The following SCUBE1 variants were observed in gnomAD, a reference collection of about 807,000 sequenced individuals.
SCUBE1 encodes signal peptide, CUB domain and EGF like domain containing 1.
In SCUBE1, 59 loss-of-function variants were observed where a neutral mutation model predicts 124.4. The observed-to-expected ratio is 0.47, with a 90% CI of 0.38 to 0.59. The LOEUF is 0.59. Among genes scored for constraint, SCUBE1 ranks in the 20% least tolerant of loss-of-function variants. SCUBE1 has a pLI of 0.00. For missense variants in SCUBE1, 1,150 were observed against 1,371.2 expected (o/e 0.84, Z 2.55); for synonymous variants, 545 against 550.9 (o/e 0.99, Z 0.15).
chr22:43,276,897 C>A (rs76110835), intron 4 of SCUBE1, among the ~76,000 whole-genome samples: 2 of 152,190 alleles, frequency 1.3e-5, no homozygotes, highest in African/African-American at 4.8e-5. Flanking sequence ...TCGGTTCTCA[C>A]GCACGTCAAC....
chr22:43,217,266 T>A (rs564382493), intron 15 of SCUBE1, among the ~76,000 whole-genome samples: 6 of 151,456 alleles, frequency 4.0e-5, no homozygotes, highest in Admixed American at 2.0e-4. Flanking sequence ...ATCCAACATC[T>A]CCATGTGGAT....
rs146127921 is a variant in SCUBE1, at chr22:43,334,497, C to A, written c.220+4607G>T. ...ACAACACTGTGATCATTGACATCAA[C>A]ATAGTGACGATGATGATGATCAGAT... On this transcript the variant is annotated intron_variant, in intron 2 of 21. Transcript: ENST00000360835. 5.8e-3 allele frequency among the ~76,000 whole-genome samples: 881 copies of A among 152,258 alleles called. 5 individuals are homozygous for A. Among genetic ancestry groups the A allele is most frequent in the African/African-American group, 0.02 (851 of 41,546 alleles).
At chr22:43,281,437 G>GGCCACCCTCCTGTCATCTCCCTCA (rs1330542077) in intron 4 of SCUBE1, among the ~76,000 whole-genome samples, 4 of 64,852 alleles carry the variant, frequency 6.2e-5, no homozygotes, top group African/African-American at 1.7e-4. Context: ...CACCTCCCTT[G>GGCCACCCTCCTGTCATCTCCCTCA]GCCACCCTCC....
chr22:43,211,122 G>A lies in SCUBE1; in HGVS notation c.2222-39C>T, dbSNP rs769898810. 2.5e-6 allele frequency: 4 copies of A among 1,576,300 alleles called. No homozygotes were observed. Among genetic ancestry groups the A allele is most frequent in the South Asian group, 1.1e-5 (1 of 87,720 alleles). ...CAAGGCAGTGTGGTGGGTGTGGAGG[G>A]GTGCAGGGAAAGGGCAGCACTGGGG... On this transcript the variant is annotated intron_variant, in intron 17 of 21. Transcript: ENST00000360835. This position sits in a 1 kb window ranked among gnomAD's most constrained non-coding sequence, Gnocchi z 4.5.
chr22:43,218,435 G>A lies in SCUBE1; in HGVS notation c.1711C>T (p.Arg571Trp), dbSNP rs775841272. 9.9e-6 allele frequency: 16 copies of A among 1,612,454 alleles called. No individual in the cohort carries two copies. Among genetic ancestry groups the A allele is most frequent in the Middle Eastern group, 1.6e-4 (1 of 6,062 alleles). ...ASDTCEADCL[R>W]KRAEQSLQAA... ...TGCAGGCTCTGTTCTGCTCGCTTCCGCAAGCAGTCCGCTTCGCATGTGTCT... is the reference window on the plus strand; with the variant it reads ...TGCAGGCTCTGTTCTGCTCGCTTCCACAAGCAGTCCGCTTCGCATGTGTCT... Residue 571 changes from arginine (R) to tryptophan (W), a missense_variant, in exon 15 of 22, where the codon CGG (arginine) becomes TGG (tryptophan). This residue lies in a region of SCUBE1 where 757 missense variants were observed against 840.9 expected (regional missense o/e 0.90). Coordinates refer to ENST00000360835, the MANE Select transcript of SCUBE1 (RefSeq NM_173050.5).
At chr22:43,289,538 C>T (rs929859747) in intron 4 of SCUBE1, among the ~76,000 whole-genome samples, 3 of 152,218 alleles carry the variant, frequency 2.0e-5, no homozygotes, top group Admixed American at 6.5e-5. Flanking sequence ...GGAGCCTGTT[C>T]GAGTATTTCC....
intron 8 of SCUBE1, 113 bp downstream of exon 8, chr22:43,231,640 G>T: frequency 7.4e-7 from 1 of 1,344,666 alleles, no homozygotes; most frequent in East Asian, 2.5e-5. Context: ...ATTCCCTCGG[G>T]CCCAGCCCCA....
intron 6 of SCUBE1, among the ~76,000 whole-genome samples, chr22:43,248,449 CG>C (rs749937192): frequency 6.6e-6 from 1 of 152,372 alleles, no homozygotes; most frequent in East Asian, 1.9e-4. Context: ...ACAGCGGAGT[CG>C]CCATCACCTA....
At chr22:43,242,632 C>A (rs1923051070) in intron 6 of SCUBE1, among the ~76,000 whole-genome samples, 1 of 152,220 alleles carries the variant, frequency 6.6e-6, no homozygotes, top group African/African-American at 2.4e-5. Context: ...GAGGGCGGCT[C>A]AGGCGCCTGG....
intron 4 of SCUBE1, among the ~76,000 whole-genome samples, chr22:43,289,883 G>A (rs1925290607): frequency 6.8e-6 from 1 of 147,090 alleles, no homozygotes; most frequent in South Asian, 2.2e-4. Context: ...CTCTCAGCGT[G>A]AGCCCCTCTC....
chr22:43,208,773 G>A (rs1347597697), intron 19 of SCUBE1, among the ~76,000 whole-genome samples: 1 of 152,216 alleles, frequency 6.6e-6, no homozygotes, highest in South Asian at 2.1e-4. Flanking sequence ...GTGCGGCAGC[G>A]TGGGTACAGC....
At chr22:43,205,855 TCACCCCCACA>T (rs1921234743) in intron 21 of SCUBE1, among the ~76,000 whole-genome samples, 1 of 26,918 alleles carries the variant, frequency 3.7e-5, no homozygotes, top group South Asian at 1.6e-3. Flanking sequence ...CACTCACCAC[TCACCCCCACA>T]CACACCACAC....
intron 3 of SCUBE1, among the ~76,000 whole-genome samples, chr22:43,315,590 G>A (rs1926316379): frequency 6.6e-6 from 1 of 152,190 alleles, no homozygotes; most frequent in Non-Finnish European, 1.5e-5. Context: ...TAGAGCTGGA[G>A]TTTTGTCTTG....
At chr22:43,323,091 G>C (rs747714680) in intron 2 of SCUBE1, among the ~76,000 whole-genome samples, 20 of 152,172 alleles carry the variant, frequency 1.3e-4, no homozygotes, top group Non-Finnish European at 2.6e-4. Flanking sequence ...TGACATGCCA[G>C]TCATTGACAA....
At chr22:43,240,622 C>T (rs1922966453) in intron 6 of SCUBE1, among the ~76,000 whole-genome samples, 1 of 152,206 alleles carries the variant, frequency 6.6e-6, no homozygotes, top group Non-Finnish European at 1.5e-5. Context: ...GGCTGCACCT[C>T]CGCACTCACA....
rs146469002 is a variant in SCUBE1 at position 43,296,743 on chromosome 22, C to T, written c.350-5563G>A. ...ATCTGTGATTGTGCCATCGAACCGC[C>T]GGAGCCCTTCCCTCTTCCGGGCCAA... On this transcript the variant is annotated intron_variant, in intron 3 of 21. Transcript: ENST00000360835. Among the ~76,000 whole-genome samples, 97 of 151,588 alleles carry T rather than the reference C, an allele frequency of 6.4e-4. 2 individuals carry two copies. The highest frequency in any genetic ancestry group is 3.1e-3 in the South Asian group (15 of 4,772).
Position 43,255,535 on chromosome 22 carries a change from G to A in SCUBE1, c.727+2684C>T, listed in dbSNP as rs914712818. ...CCGCTTGTCCACATCAGCTACTGAC[G>A]TGGCATTGAACTGAGAGCGCTCAAT... On this transcript the variant is annotated intron_variant, in intron 6 of 21. Coordinates refer to ENST00000360835, the MANE Select transcript of SCUBE1 (RefSeq NM_173050.5). This position sits in a 1 kb window ranked among gnomAD's most constrained non-coding sequence, Gnocchi z 4.7. 7.1e-6 allele frequency: 11 copies of A among 1,550,496 alleles called. No individual in the cohort carries two copies. Among genetic ancestry groups the A allele is most frequent in the Admixed American group, 3.9e-5 (2 of 50,990 alleles).
At chr22:43,301,752 GCAT>G (rs1379117297) in intron 3 of SCUBE1, among the ~76,000 whole-genome samples, 6 of 152,212 alleles carry the variant, frequency 3.9e-5, no homozygotes, top group Non-Finnish European at 8.8e-5. Flanking sequence ...TCTGTTTTGA[GCAT>G]CACAGTATCC....
intron 2 of SCUBE1, among the ~76,000 whole-genome samples, chr22:43,335,420 C>A (rs1230804004): frequency 2.6e-5 from 4 of 152,210 alleles, no homozygotes; most frequent in African/African-American, 9.6e-5. Context: ...CCTCCAGAAT[C>A]CATGCCAACA....
Sources: allele counts gnomAD v4.1 joint callset (sites outside exome capture counted in the v4.1 genomes callset), GRCh38; gene constraint gnomAD v4.1.1; regional missense constraint gnomAD v4.1.1; non-coding constraint Gnocchi (gnomAD v3.1); transcripts MANE v1.5; gene names NCBI Gene and HGNC (gene_info 2026-07-23, HGNC 2026-07-21).